Variants in CRIP2 observed in about 807,000 individuals in gnomAD.
The protein encoded by CRIP2 is cysteine rich protein 2, also known as cysteine-rich protein 2.
A neutral mutation model predicts 31.3 loss-of-function variants in CRIP2; 31 were observed. That is an observed-to-expected ratio of 0.99 (90% CI 0.74 to 1.34). The LOEUF is 1.34. Among genes scored for constraint, CRIP2 ranks in the 40% most tolerant of loss-of-function variants. CRIP2 has a pLI of 0.00. For synonymous variants in CRIP2, 177 were observed against 127.2 expected (o/e 1.39, Z -2.63); for missense variants, 389 against 301.6 (o/e 1.29, Z -2.15).
At position 105,474,951 on chromosome 14, in the gene CRIP2, C is replaced by T. The variant is rs2083900534; in HGVS notation, c.43+46C>T. On this transcript the variant is annotated intron_variant, in intron 1 of 7. Coordinates refer to ENST00000329146, the MANE Select transcript of CRIP2 (RefSeq NM_001312.4). The surrounding 1 kb of genome is among the most constrained non-coding windows in gnomAD (Gnocchi z 5.1). ...GGCCCGCTCGGTGCATCCCGCCGCC[C>T]TTCGCGGCCAGTCCCGCGCCGCAGA... 1.4e-6 allele frequency: 2 copies of T among 1,470,426 alleles called. No individual in the cohort carries two copies. The highest frequency in any genetic ancestry group is 2.4e-5 in the Admixed American group (1 of 41,504). 91.1% of individuals were successfully genotyped at this position (1,470,426 alleles called of 1,614,324 possible). A position where few individuals can be genotyped will look rare whatever the true frequency, so the allele number is the denominator to read the frequency against.
At position 105,479,029 on chromosome 14, in the gene CRIP2, A is replaced by C. The variant is rs782330606; in HGVS notation, c.388A>C (p.Ser130Arg). Residue 130 changes from serine (S) to arginine (R), a missense_variant, in exon 5 of 8, where the codon AGC (serine) becomes CGC (arginine). Transcript: ENST00000329146. ...GGAGCCCAACACGTGCCCGCGCTGC[A>C]GCAAGAAGGTGTACTTCGGTGAGTG... ...TGEPNTCPRC[S>R]KKVYFAEKVT... 2.5e-6 allele frequency: 4 copies of C among 1,582,584 alleles called. No individual in the cohort carries two copies. Among genetic ancestry groups the C allele is most frequent in the Non-Finnish European group, 3.4e-6 (4 of 1,166,842 alleles).
Position 105,479,692 on chromosome 14 carries a change from C to A in CRIP2, c.*39C>A. The A allele has an allele frequency of 6.3e-7, 1 of 1,589,192 alleles. No individual in the cohort carries two copies. Among genetic ancestry groups the A allele is most frequent in the Non-Finnish European group, 8.6e-7 (1 of 1,168,418 alleles). ...TCATGATGTGGGCTCACCTGCGCCCCAGACCCTGCAGGGGCCCCCCTGCTT... is the reference window on the plus strand; with the variant it reads ...TCATGATGTGGGCTCACCTGCGCCCAAGACCCTGCAGGGGCCCCCCTGCTT... On this transcript the variant is annotated 3_prime_UTR_variant, in exon 8 of 8. Transcript: ENST00000329146.
Position 105,478,221 on chromosome 14 carries a change from G to A in CRIP2, c.44-45G>A. The A allele has an allele frequency of 7.1e-7, 1 of 1,418,406 alleles. No individual in the cohort carries two copies. Among genetic ancestry groups the A allele is most frequent in the Non-Finnish European group, 9.3e-7 (1 of 1,077,700 alleles). 87.9% of individuals were successfully genotyped at this position (1,418,406 alleles called of 1,614,324 possible). ...TGCCAGGTGGGGGCGGAGGGGGTGCGGGGCGCGCCCCGGCCCTGACCCCCC... is the reference window on the plus strand; with the variant it reads ...TGCCAGGTGGGGGCGGAGGGGGTGCAGGGCGCGCCCCGGCCCTGACCCCCC... On this transcript the variant is annotated intron_variant, in intron 1 of 7. Coordinates refer to ENST00000329146, the MANE Select transcript of CRIP2 (RefSeq NM_001312.4). The surrounding 1 kb of genome is among the most constrained non-coding windows in gnomAD (Gnocchi z 4.9).
In CRIP2 at chr14:105,478,813, C is replaced by T. The variant is rs587683686; in HGVS notation, c.279C>T (p.Val93=). Residue 93 remains valine (V), a synonymous_variant, in exon 4 of 8, where the codon GTC becomes GTT. Coordinates refer to ENST00000329146, the MANE Select transcript of CRIP2 (RefSeq NM_001312.4). This position sits in a 1 kb window ranked among gnomAD's most constrained non-coding sequence, Gnocchi z 4.9. ...EGPQVTGPIE[V]PAARAEERKA... is the part of the protein sequence containing the mutation. ...CGCAGGTCACCGGCCCCATCGAGGT[C>T]CCCGCGGCCCGAGCAGAGGAGCGGA... The T allele has an allele frequency of 9.8e-6, 14 of 1,431,138 alleles. No homozygotes were observed. Among genetic ancestry groups the T allele is most frequent in the Non-Finnish European group, 1.3e-5 (14 of 1,101,480 alleles). 88.7% of individuals were successfully genotyped at this position (1,431,138 alleles called of 1,614,324 possible). A position where few individuals can be genotyped will look rare whatever the true frequency, so the allele number is the denominator to read the frequency against.
In CRIP2 at chr14:105,474,961, A is replaced by T. The variant is rs2083900822; in HGVS notation, c.43+56A>T. ...GTGCATCCCGCCGCCCTTCGCGGCC[A>T]GTCCCGCGCCGCAGAGCCGCGGCGT... is the stretch of plus-strand genomic sequence containing the variant. On this transcript the variant is annotated intron_variant, in intron 1 of 7. Coordinates refer to ENST00000329146, the MANE Select transcript of CRIP2 (RefSeq NM_001312.4). The surrounding 1 kb of genome is among the most constrained non-coding windows in gnomAD (Gnocchi z 5.1). 2 of 1,435,154 alleles carry T rather than the reference A, an allele frequency of 1.4e-6. No homozygotes were observed. The highest frequency in any genetic ancestry group is 5.5e-5 in the Admixed American group (2 of 36,106). 88.9% of individuals were successfully genotyped at this position (1,435,154 alleles called of 1,614,324 possible).
At chr14:105,473,148 G>C (rs1160590374), upstream of CRIP2, 1 of 1,388,696 alleles carries the variant, frequency 7.2e-7, no homozygotes, top group African/African-American at 1.4e-5. Flanking sequence ...TTTGGCAGTG[G>C]GCCCATGAAT....
At position 105,479,065 on chromosome 14, in the gene CRIP2, C is replaced by T. The variant is rs1039777413; in HGVS notation, c.406+18C>T. ...GTACTTCGGTGAGTGCGCGCCCGGG[C>T]CCCGGACCCCCGCCCCCGCCCCCGC... On this transcript the variant is annotated intron_variant, in intron 5 of 7. Coordinates refer to ENST00000329146, the MANE Select transcript of CRIP2 (RefSeq NM_001312.4). 3.4e-5 allele frequency: 53 copies of T among 1,563,892 alleles called. No homozygotes were observed. Among genetic ancestry groups the T allele is most frequent in the Admixed American group, 5.6e-5 (3 of 53,110 alleles).
intron 1 of CRIP2, chr14:105,476,021 G>C (rs1331275672): frequency 1.0e-6 from 1 of 985,532 alleles, no homozygotes; most frequent in East Asian, 1.1e-4. Flanking sequence ...AGAGGGGAGG[G>C]ACCGGATTTG....
At position 105,478,118 on chromosome 14, in the gene CRIP2, A is replaced by T; in HGVS notation, c.44-148A>T. The T allele has an allele frequency of 1.6e-6, 1 of 611,456 alleles. No homozygotes were observed. The allele number at this position is 611,456 out of a possible 1,614,324, so 37.9% of individuals were successfully genotyped here. A position where few individuals can be genotyped will look rare whatever the true frequency, so the allele number is the denominator to read the frequency against. ...TCCTCCGGGTCTCAGAAGGAGGGGC[A>T]GGGCCCGCCAGGTGGAAGGAAGGCG... On this transcript the variant is annotated intron_variant, in intron 1 of 7. Coordinates refer to ENST00000329146, the MANE Select transcript of CRIP2 (RefSeq NM_001312.4). This position sits in a 1 kb window ranked among gnomAD's most constrained non-coding sequence, Gnocchi z 4.9.
Position 105,478,462 on chromosome 14 carries a change from C to T in CRIP2, c.151C>T (p.Pro51Ser), listed in dbSNP as rs782741452. Reference protein sequence around the residue: ...PGGHAEHDGKPFCHKPCYATL... With the variant: ...PGGHAEHDGKSFCHKPCYATL... ...CCCCTCTGCGCAGCATGACGGGAAG[C>T]CGTTCTGCCACAAGCCGTGCTACGC... The change falls in exon 3 of 8, where the codon CCG becomes TCG. Residue 51 changes from proline to serine, a missense_variant. Pro to Ser is a moderately conservative substitution (Grantham distance 74). Transcript: ENST00000329146. The surrounding 1 kb of genome is among the most constrained non-coding windows in gnomAD (Gnocchi z 4.9). 8 of 1,606,418 alleles carry T rather than the reference C, an allele frequency of 5.0e-6. No homozygotes were observed. The highest frequency in any genetic ancestry group is 4.0e-5 in the African/African-American group (3 of 74,818).
In CRIP2 at chr14:105,478,933, G is replaced by C; in HGVS notation, c.338-46G>C. 2 of 1,528,690 alleles carry C rather than the reference G, an allele frequency of 1.3e-6. No individual in the cohort carries two copies. Among genetic ancestry groups the C allele is most frequent in the Non-Finnish European group, 1.8e-6 (2 of 1,142,598 alleles). 94.7% of individuals were successfully genotyped at this position (1,528,690 alleles called of 1,614,324 possible). On this transcript the variant is annotated intron_variant, in intron 4 of 7. Coordinates refer to ENST00000329146, the MANE Select transcript of CRIP2 (RefSeq NM_001312.4). The surrounding 1 kb of genome is among the most constrained non-coding windows in gnomAD (Gnocchi z 4.9). ...CACGCGCGGGCTGGGGCTGGGGGTT[G>C]TGGGCACCCCCGGCCCCGCCCCGCC...
Position 105,479,463 on chromosome 14 carries a change from C to T in CRIP2, c.529C>T (p.Pro177Ser). The T allele has an allele frequency of 6.2e-7, 1 of 1,612,958 alleles. No individual in the cohort carries two copies. Reference sequence around the variant, plus strand: ...CGACGGCCAGCCCTACTGCCACAAGCCCTGCTATGGAATCCTCTTCGGACC... The same window carrying T: ...CGACGGCCAGCCCTACTGCCACAAGTCCTGCTATGGAATCCTCTTCGGACC... ...EHDGQPYCHKPCYGILFGPKG... is the reference protein window; with the variant it reads ...EHDGQPYCHKSCYGILFGPKG... Residue 177 changes from proline to serine, a missense_variant, in exon 7 of 8, where the codon CCC becomes TCC. Coordinates refer to ENST00000329146, the MANE Select transcript of CRIP2 (RefSeq NM_001312.4).
At position 105,478,479 on chromosome 14, in the gene CRIP2, G is replaced by A. The variant is rs1220125672; in HGVS notation, c.168G>A (p.Pro56=). ...ACGGGAAGCCGTTCTGCCACAAGCCGTGCTACGCCACCCTGTTCGGACCCA... is the reference window on the plus strand; with the variant it reads ...ACGGGAAGCCGTTCTGCCACAAGCCATGCTACGCCACCCTGTTCGGACCCA... ...EHDGKPFCHK[P]CYATLFGPKG... Residue 56 remains proline, a synonymous_variant, in exon 3 of 8, where the codon CCG becomes CCA. Transcript: ENST00000329146. The surrounding 1 kb of genome is among the most constrained non-coding windows in gnomAD (Gnocchi z 4.9). 2 of 1,608,628 alleles carry A rather than the reference G, an allele frequency of 1.2e-6. No homozygotes were observed. The highest frequency in any genetic ancestry group is 1.1e-5 in the South Asian group (1 of 90,858).
intron 1 of CRIP2, 135 bp downstream of exon 1, chr14:105,475,040 C>A (rs587653614): frequency 9.2e-7 from 1 of 1,081,420 alleles, no homozygotes; most frequent in Non-Finnish European, 1.2e-6. Flanking sequence ...GTCCCGGAGG[C>A]TGGCTGGCCG....
chr14:105,473,995 C>T (rs769117890), upstream of CRIP2, among the ~76,000 whole-genome samples: 1 of 152,218 alleles, frequency 6.6e-6, no homozygotes, highest in East Asian at 1.9e-4. Flanking sequence ...TCACCGCCTC[C>T]CCGGCCGCCC....
At position 105,479,493 on chromosome 14, in the gene CRIP2, G is replaced by A. The variant is rs782493052; in HGVS notation, c.559G>A (p.Gly187Arg). ...CTATGGAATCCTCTTCGGACCCAAG[G>A]GTGAGTGTAGCCAGGGTGGTCCACG... ...PCYGILFGPK[G>R]VNTGAVGSYI... Residue 187 changes from glycine to arginine, a missense_variant and splice_region_variant, in exon 7 of 8, where the codon GGA becomes AGA. By Grantham distance (125) the Gly-to-Arg change is moderately radical (BLOSUM62 -2). Transcript: ENST00000329146. The A allele has an allele frequency of 1.2e-5, 20 of 1,612,956 alleles. No homozygotes were observed. The highest frequency in any genetic ancestry group is 1.7e-5 in the Non-Finnish European group (20 of 1,179,944).
chr14:105,475,009 G>A (rs2083902039), intron 1 of CRIP2, 104 bp downstream of exon 1: 4 of 1,246,680 alleles, frequency 3.2e-6, no homozygotes, highest in Non-Finnish European at 4.1e-6. Context: ...GCCCGGCCCC[G>A]GCCCCGGACC....
chr14:105,474,747 G>A (rs1382141025), upstream of CRIP2: 2 of 1,070,228 alleles, frequency 1.9e-6, no homozygotes, highest in Non-Finnish European at 2.3e-6. The surrounding 1 kb of genome is among the most constrained non-coding windows in gnomAD (Gnocchi z 5.1). Context: ...TCGAGGCCCC[G>A]CCCCGGCCGC....
At chr14:105,476,805 T>C (rs1426272449) in intron 1 of CRIP2, 2 of 978,722 alleles carry the variant, frequency 2.0e-6, no homozygotes, top group African/African-American at 1.8e-5. Flanking sequence ...GGTGCAGCCT[T>C]GTGGTTGGGC....
Sources: allele counts gnomAD v4.1 joint callset (sites outside exome capture counted in the v4.1 genomes callset), GRCh38; gene constraint gnomAD v4.1.1; non-coding constraint Gnocchi (gnomAD v3.1); transcripts MANE v1.5; gene names NCBI Gene and HGNC (gene_info 2026-07-23, HGNC 2026-07-21).